The following KCNMB2 variants were observed in gnomAD, a reference collection of about 807,000 sequenced individuals.
KCNMB2 encodes potassium calcium-activated channel subfamily M regulatory beta subunit 2.
A neutral mutation model predicts 24.5 loss-of-function variants in KCNMB2; 9 were observed. The ratio of observed to expected loss-of-function variants is 0.37; its 90% CI spans 0.22 to 0.64. The LOEUF (loss-of-function observed/expected upper bound fraction) is 0.64, where lower values mean the gene tolerates loss of function less well. KCNMB2 is among the 30% of genes least tolerant of loss of function. The probability of loss-of-function intolerance (pLI) is 0.63; values close to 1 mark genes in which losing one functional copy is unlikely to be tolerated. For missense variants in KCNMB2, 226 were observed against 284.3 expected (o/e 0.79, Z 1.47); for synonymous variants, 109 against 104.4 (o/e 1.04, Z -0.27).
intron 1 of KCNMB2, among the ~76,000 whole-genome samples, chr3:178,761,479 T>C (rs1373219637): frequency 6.6e-6 from 1 of 152,240 alleles, no homozygotes; most frequent in Non-Finnish European, 1.5e-5. Flanking sequence ...CTATTAGTCC[T>C]AGTTTAGAGT....
At chr3:178,757,700 A>G (rs186665618) in intron 1 of KCNMB2, among the ~76,000 whole-genome samples, 32 of 66,852 alleles carry the variant, frequency 4.8e-4, no homozygotes, top group African/African-American at 2.1e-3. Flanking sequence ...ATGTATATAT[A>G]TCCAAGAGGA....
intron 1 of KCNMB2, among the ~76,000 whole-genome samples, chr3:178,798,824 G>A (rs1371830442): frequency 1.3e-5 from 2 of 151,770 alleles, no homozygotes; most frequent in African/African-American, 4.8e-5. Flanking sequence ...AACCACCATG[G>A]CACATGTTTA....
intron 1 of KCNMB2, among the ~76,000 whole-genome samples, chr3:178,759,437 ATATATATATATATATATATAT>A: frequency 6.4e-4 from 1 of 1,562 alleles, no homozygotes; most frequent in African/African-American, 3.1e-3. Context: ...CCAAGAGGAT[ATATATATATATATATATATAT>A]CTCCAAGAGG....
intron 1 of KCNMB2, among the ~76,000 whole-genome samples, chr3:178,786,959 A>C (rs2108436935): frequency 6.6e-6 from 1 of 152,278 alleles, no homozygotes. Context: ...AGTAGAACAT[A>C]AGAAAACTTT....
At chr3:178,724,486 G>A (rs1285543209) in intron 1 of KCNMB2, among the ~76,000 whole-genome samples, 1 of 151,978 alleles carries the variant, frequency 6.6e-6, no homozygotes, top group African/African-American at 2.4e-5. Context: ...TTCTTTTGTT[G>A]TACAGAAGCT....
intron 1 of KCNMB2, among the ~76,000 whole-genome samples, chr3:178,789,679 C>G (rs1483883730): frequency 6.6e-6 from 1 of 152,038 alleles, no homozygotes; most frequent in Non-Finnish European, 1.5e-5. Context: ...GGGGCAGAAC[C>G]CAGCTGGCAC....
chr3:178,693,314 C>T (rs1014099558), intron 1 of KCNMB2, among the ~76,000 whole-genome samples: 3 of 152,114 alleles, frequency 2.0e-5, no homozygotes, highest in Non-Finnish European at 4.4e-5. Flanking sequence ...GAAAGGGTAT[C>T]TTTGTTTTGT....
chr3:178,767,603 T>C (rs1712174626), intron 1 of KCNMB2, among the ~76,000 whole-genome samples: 1 of 152,226 alleles, frequency 6.6e-6, no homozygotes, highest in Non-Finnish European at 1.5e-5. Context: ...TAAAAACTAA[T>C]TATGAGTGTA....
intron 1 of KCNMB2, among the ~76,000 whole-genome samples, chr3:178,675,489 C>T (rs1036359332): frequency 4.6e-5 from 7 of 152,080 alleles, no homozygotes; most frequent in Admixed American, 3.9e-4. Flanking sequence ...CACACCTGCT[C>T]GGGGTGGACT....
At chr3:178,841,814 C>T (rs953466528) in intron 4 of KCNMB2, among the ~76,000 whole-genome samples, 2 of 152,134 alleles carry the variant, frequency 1.3e-5, no homozygotes, top group African/African-American at 2.4e-5. Context: ...GGTGGAGACA[C>T]AGAGCCAAAC....
At chr3:178,664,476 C>CT (rs1280098213) in intron 1 of KCNMB2, among the ~76,000 whole-genome samples, 1 of 151,880 alleles carries the variant, frequency 6.6e-6, no homozygotes, top group Non-Finnish European at 1.5e-5. Context: ...CTATTATATA[C>CT]TTTTTTTTCT....
intron 1 of KCNMB2, among the ~76,000 whole-genome samples, chr3:178,623,198 G>A (rs939945608): frequency 2.6e-5 from 4 of 152,202 alleles, no homozygotes; most frequent in Non-Finnish European, 5.9e-5. Context: ...ATTCCCTAGA[G>A]GGGCAGCAGT....
At position 178,706,561 on chromosome 3, in the gene KCNMB2, C is replaced by T. The variant is rs576606077; in HGVS notation, c.-67-100782C>T. Among the ~76,000 whole-genome samples the T allele has an allele frequency of 5.9e-5, 9 of 152,192 alleles. No homozygotes were observed. In the South Asian group the frequency reaches 1.9e-3, roughly 32 times the overall value. On this transcript the variant is annotated intron_variant, in intron 1 of 4. Coordinates refer to ENST00000452583, the MANE Select transcript of KCNMB2 (RefSeq NM_181361.3). ...ATCTCCAAACTTTCAACTCCCAATC[C>T]AAGCCAGCACTACTGAGCCCTCAGG...
chr3:178,570,799 A>G (rs1716750059), intron 1 of KCNMB2, among the ~76,000 whole-genome samples: 4 of 152,210 alleles, frequency 2.6e-5, no homozygotes, highest in Admixed American at 2.0e-4. Context: ...AATAGGTAAT[A>G]TAATTAATGA....
chr3:178,674,731 T>C (rs766835974), intron 1 of KCNMB2, among the ~76,000 whole-genome samples: 2 of 152,104 alleles, frequency 1.3e-5, no homozygotes, highest in African/African-American at 4.8e-5. Flanking sequence ...TCTCTCATAA[T>C]AGAAGCCAAT....
chr3:178,714,538 G>A (rs921501043), intron 1 of KCNMB2, among the ~76,000 whole-genome samples: 2 of 152,220 alleles, frequency 1.3e-5, no homozygotes, highest in Non-Finnish European at 2.9e-5. Context: ...AGAAGAGCAT[G>A]TGTAAGGATG....
intron 1 of KCNMB2, among the ~76,000 whole-genome samples, chr3:178,728,672 C>T (rs1323097891): frequency 6.6e-6 from 1 of 152,148 alleles, no homozygotes; most frequent in African/African-American, 2.4e-5. Context: ...TCTCCCTCTA[C>T]CTGTGCTGTC....
At chr3:178,623,278 T>C (rs1718986414) in intron 1 of KCNMB2, among the ~76,000 whole-genome samples, 1 of 152,206 alleles carries the variant, frequency 6.6e-6, no homozygotes, top group Non-Finnish European at 1.5e-5. Flanking sequence ...ACGTGATTTA[T>C]ATTGAATCTC....
chr3:178,797,220 G>A (rs1333563817), intron 1 of KCNMB2, among the ~76,000 whole-genome samples: 1 of 152,036 alleles, frequency 6.6e-6, no homozygotes, highest in African/African-American at 2.4e-5. Context: ...CCAATAATAA[G>A]TAATGAGATC....
Sources: allele counts gnomAD v4.1 joint callset (sites outside exome capture counted in the v4.1 genomes callset), GRCh38; gene constraint gnomAD v4.1.1; transcripts MANE v1.5; gene names NCBI Gene and HGNC (gene_info 2026-07-23, HGNC 2026-07-21).